Variants in SPAG17 observed in about 807,000 individuals in gnomAD.
SPAG17 encodes the protein sperm associated antigen 17, also known as sperm-associated antigen 17.
A neutral mutation model predicts 273.6 loss-of-function variants in SPAG17; 169 were observed. The ratio of observed to expected loss-of-function variants is 0.62; its 90% CI spans 0.55 to 0.70. The LOEUF is 0.70. Ranked by LOEUF, SPAG17 falls within the 30% of genes least tolerant of loss-of-function variation. SPAG17 has a pLI of 0.00. For synonymous variants in SPAG17, 825 were observed against 873.2 expected, an observed-to-expected ratio of 0.94 and a Z score of 0.97; for missense variants, 2,557 against 2,627.8, an observed-to-expected ratio of 0.97 and a Z score of 0.59.
At chr1:118,007,778 C>G (rs1194409766) in intron 31 of SPAG17, among the ~76,000 whole-genome samples, 1 of 152,156 alleles carries the variant, frequency 6.6e-6, no homozygotes, top group African/African-American at 2.4e-5. Context: ...ATAAGAAATC[C>G]TCAACTAACA....
chr1:118,055,335 T>C (rs1265012489), intron 19 of SPAG17, among the ~76,000 whole-genome samples: 2 of 152,184 alleles, frequency 1.3e-5, no homozygotes, highest in Non-Finnish European at 1.5e-5. Flanking sequence ...TGTTTTAGTC[T>C]CAATTTTGGA....
At chr1:118,125,558 A>G (rs1050807907) in intron 3 of SPAG17, among the ~76,000 whole-genome samples, 1 of 151,992 alleles carries the variant, frequency 6.6e-6, no homozygotes, top group Non-Finnish European at 1.5e-5. Context: ...GACTGTAATA[A>G]TTGCGACTCC....
At chr1:118,043,661 G>T (rs1650024722) in intron 20 of SPAG17, among the ~76,000 whole-genome samples, 1 of 152,164 alleles carries the variant, frequency 6.6e-6, no homozygotes, top group South Asian at 2.1e-4. Flanking sequence ...ACTTATACTA[G>T]AAATATCAGC....
chr1:117,958,767 C>CTTTT (rs3215666), intron 48 of SPAG17: 4 of 361,006 alleles, frequency 1.1e-5, no homozygotes, highest in Non-Finnish European at 1.4e-5. Flanking sequence ...ACTTCTTTGG[C>CTTTT]TTTTTTTTTT....
intron 22 of SPAG17, 37 bp from the exon 23 acceptor site, chr1:118,039,481 A>C (rs1192621563): frequency 7.5e-6 from 12 of 1,604,108 alleles, no homozygotes; most frequent in Non-Finnish European, 1.0e-5. Flanking sequence ...TGGGCTGATT[A>C]GGATGCCACA....
chr1:118,116,255 T>C (rs948263796), intron 3 of SPAG17, among the ~76,000 whole-genome samples: 2 of 152,244 alleles, frequency 1.3e-5, no homozygotes, highest in East Asian at 1.9e-4. Context: ...AAAGTTGTTA[T>C]GTGTTTCTCT....
At chr1:118,020,732 A>T (rs1206163827) in intron 28 of SPAG17, among the ~76,000 whole-genome samples, 1 of 152,136 alleles carries the variant, frequency 6.6e-6, no homozygotes, top group Non-Finnish European at 1.5e-5. Context: ...AAAAATATAG[A>T]ATAGGGGTTG....
intron 3 of SPAG17, among the ~76,000 whole-genome samples, chr1:118,141,579 C>T (rs912204176): frequency 7.9e-5 from 12 of 152,100 alleles, no homozygotes; most frequent in Non-Finnish European, 1.5e-4. Flanking sequence ...TCCCTTCTGC[C>T]AGGTGTAGAG....
chr1:118,109,376 T>C (rs1333872919), intron 4 of SPAG17, among the ~76,000 whole-genome samples: 2 of 130,958 alleles, frequency 1.5e-5, no homozygotes, highest in Admixed American at 8.1e-5. Context: ...CGATATCCCA[T>C]CTTTACTAAA....
intron 45 of SPAG17, 72 bp downstream of exon 45, chr1:117,971,791 T>G: frequency 7.6e-7 from 1 of 1,312,846 alleles, no homozygotes; most frequent in Non-Finnish European, 1.1e-6. Context: ...CATTTATTGA[T>G]GGAGGTGACC....
intron 1 of SPAG17, among the ~76,000 whole-genome samples, chr1:118,161,692 C>A (rs866177514): frequency 2.0e-5 from 3 of 152,122 alleles, no homozygotes; most frequent in Admixed American, 1.3e-4. Context: ...CGCCCGCCCC[C>A]ACCTGGCTAA....
Position 118,023,336 on chromosome 1 carries a change from G to T in SPAG17, c.4037C>A (p.Thr1346Lys), listed in dbSNP as rs150715639. The T allele has an allele frequency of 1.2e-6, 2 of 1,611,220 alleles. No homozygotes were observed. The highest frequency in any genetic ancestry group is 2.7e-5 in the African/African-American group (2 of 74,774). Residue 1346 changes from threonine to lysine, a missense_variant, in exon 28 of 49, where the codon ACG (threonine) becomes AAG (lysine). Thr to Lys is a moderately conservative substitution (Grantham distance 78). Transcript: ENST00000336338. ...TGTGTTGGTAATCTCAGATGGTATCGTTTCTGATTTCTGCTGAGAAATAGA... is the reference window on the plus strand; with the variant it reads ...TGTGTTGGTAATCTCAGATGGTATCTTTTCTGATTTCTGCTGAGAAATAGA... ...MDSISQQKSE[T>K]IPSEITNTKK... is the part of the protein sequence containing the mutation.
intron 3 of SPAG17, among the ~76,000 whole-genome samples, chr1:118,141,365 T>A (rs1270523880): frequency 6.6e-6 from 1 of 152,226 alleles, no homozygotes; most frequent in African/African-American, 2.4e-5. Context: ...CTAATCATTT[T>A]CTCTAAGCTG....
intron 32 of SPAG17, among the ~76,000 whole-genome samples, chr1:118,004,698 T>C: frequency 6.6e-6 from 1 of 152,154 alleles, no homozygotes; most frequent in East Asian, 1.9e-4. Flanking sequence ...GAATGTCCTG[T>C]TTTTCCAGGT....
intron 26 of SPAG17, among the ~76,000 whole-genome samples, chr1:118,027,922 A>G (rs944669605): frequency 2.0e-5 from 3 of 152,236 alleles, no homozygotes; most frequent in African/African-American, 7.2e-5. Flanking sequence ...ACAGGGATAC[A>G]CACAAGTTTT....
At chr1:118,160,277 A>G (rs1558054092) in intron 1 of SPAG17, among the ~76,000 whole-genome samples, 1 of 152,250 alleles carries the variant, frequency 6.6e-6, no homozygotes, top group Non-Finnish European at 1.5e-5. Flanking sequence ...TCCACATTAA[A>G]AAATAAGATA....
chr1:118,062,292 G>A (rs553916765), intron 18 of SPAG17, among the ~76,000 whole-genome samples: 2,316 of 142,988 alleles, frequency 0.016, 28 homozygotes, highest in Non-Finnish European at 0.026. Flanking sequence ...GCACGAACCC[G>A]GGAGGCGGAG....
At chr1:118,184,976 AAGAGAGGGCG>A (rs1281706065) in intron 1 of SPAG17, 85 bp downstream of exon 1, 4 of 1,033,426 alleles carry the variant, frequency 3.9e-6, no homozygotes, top group Non-Finnish European at 4.5e-6. Flanking sequence ...AGAGATACGG[AAGAGAGGGCG>A]AGCCTTAAGG....
chr1:118,088,068 G>T (rs1383195171), intron 10 of SPAG17, among the ~76,000 whole-genome samples: 1 of 152,168 alleles, frequency 6.6e-6, no homozygotes, highest in Admixed American at 6.5e-5. Flanking sequence ...ACTGTCAGAA[G>T]AGTCACTCAC....
Sources: allele counts gnomAD v4.1 joint callset (sites outside exome capture counted in the v4.1 genomes callset), GRCh38; gene constraint gnomAD v4.1.1; transcripts MANE v1.5; gene names NCBI Gene and HGNC (gene_info 2026-07-23, HGNC 2026-07-21).